The following SYBU variants were observed in gnomAD, a reference collection of about 807,000 sequenced individuals.
SYBU encodes syntabulin.
A neutral mutation model predicts 35.9 loss-of-function variants in SYBU; 21 were observed. That is an observed-to-expected ratio of 0.58 (90% CI 0.41 to 0.84). The LOEUF (loss-of-function observed/expected upper bound fraction) is 0.84. SYBU is among the 40% of genes least tolerant of loss of function. The pLI, the probability that SYBU is intolerant of heterozygous loss-of-function variation, is 0.00. For missense variants in SYBU, 768 were observed against 848.2 expected (o/e 0.91, Z 1.17); for synonymous variants, 319 against 324.3 (o/e 0.98, Z 0.18).
chr8:109,635,138 T>G (rs909337079), intron 2 of SYBU, among the ~76,000 whole-genome samples: 1 of 152,246 alleles, frequency 6.6e-6, no homozygotes, highest in Non-Finnish European at 1.5e-5. Context: ...GGTTGATACA[T>G]CCCATCTCTT....
chr8:109,691,217 G>A lies in SYBU; in HGVS notation c.-58+116C>T. 1.6e-6 allele frequency: 1 copy of A among 631,350 alleles called. No individual in the cohort carries two copies. Among genetic ancestry groups the A allele is most frequent in the South Asian group, 1.7e-5 (1 of 58,140 alleles). The allele number at this position is 631,350 out of a possible 1,614,324, so 39.1% of individuals were successfully genotyped here. Reference sequence around the variant, plus strand: ...CTGGATACCTCCCGCATTGGAAAGGGTGGTCCTGGGGTCCGGAGCGCCCCA... The same window carrying A: ...CTGGATACCTCCCGCATTGGAAAGGATGGTCCTGGGGTCCGGAGCGCCCCA... On this transcript the variant is annotated intron_variant, in intron 1 of 7. Transcript: ENST00000422135. This position sits in a 1 kb window ranked among gnomAD's most constrained non-coding sequence, Gnocchi z 4.7.
intron 3 of SYBU, among the ~76,000 whole-genome samples, chr8:109,615,211 A>G (rs1470799194): frequency 6.6e-6 from 1 of 152,190 alleles, no homozygotes; most frequent in African/African-American, 2.4e-5. Context: ...ATTGCTTGCT[A>G]TTTTAATAAA....
At chr8:109,596,014 C>T (rs1037454142) in intron 3 of SYBU, among the ~76,000 whole-genome samples, 13 of 152,200 alleles carry the variant, frequency 8.5e-5, no homozygotes, top group African/African-American at 3.1e-4. Context: ...AGGGATCCTA[C>T]AGCCACAATT....
At chr8:109,590,583 A>G (rs1824109488) in intron 3 of SYBU, among the ~76,000 whole-genome samples, 2 of 152,056 alleles carry the variant, frequency 1.3e-5, no homozygotes, top group Admixed American at 6.6e-5. Context: ...TAAACACAAA[A>G]GAAGAGAAGT....
At chr8:109,663,131 ATTG>A (rs1348024777) in intron 1 of SYBU, among the ~76,000 whole-genome samples, 1 of 152,188 alleles carries the variant, frequency 6.6e-6, no homozygotes, top group Non-Finnish European at 1.5e-5. Flanking sequence ...GTTTAATGCC[ATTG>A]TCAGAGATTC....
intron 1 of SYBU, 51 bp from the exon 2 acceptor site, chr8:109,642,983 CTT>C (rs773834621): frequency 2.8e-5 from 40 of 1,454,470 alleles, no homozygotes; most frequent in Non-Finnish European, 3.5e-5. Context: ...GTTTCCCTCT[CTT>C]AACTCCTGTC....
intron 3 of SYBU, chr8:109,607,808 TCACACACACA>T (rs71305960): frequency 0.097 from 36,376 of 376,838 alleles, 743 homozygotes; most frequent in South Asian, 0.23. Context: ...CACAACTAAC[TCACACACACA>T]CACACACACA....
chr8:109,624,956 C>T (rs1260297579), intron 2 of SYBU, among the ~76,000 whole-genome samples: 1 of 152,056 alleles, frequency 6.6e-6, no homozygotes, highest in Non-Finnish European at 1.5e-5. Flanking sequence ...AAAATATTTG[C>T]TATCTGGCGC....
rs1013447273 is a variant in SYBU at position 109,605,182 on chromosome 8, G to A, written c.427+13660C>T. Among the ~76,000 whole-genome samples the A allele has an allele frequency of 2.6e-5, 4 of 152,198 alleles. No individual in the cohort carries two copies. In the South Asian group the frequency reaches 6.2e-4, roughly 24 times the overall value. Reference sequence around the variant, plus strand: ...GACGAACTGTGCACCATCAGAGCATGTGCATGTGTGACTAATAACAATGGA... The same window carrying A: ...GACGAACTGTGCACCATCAGAGCATATGCATGTGTGACTAATAACAATGGA... On this transcript the variant is annotated intron_variant, in intron 3 of 6. Transcript: ENST00000276646.
intron 3 of SYBU, among the ~76,000 whole-genome samples, chr8:109,613,011 G>GAA (rs71305961): frequency 5.7e-5 from 8 of 139,356 alleles, no homozygotes; most frequent in Non-Finnish European, 1.1e-4. Flanking sequence ...AAGAAGAAAA[G>GAA]AAAAAAAAAA....
chr8:109,591,434 T>C (rs1824232217), intron 3 of SYBU, among the ~76,000 whole-genome samples: 1 of 152,244 alleles, frequency 6.6e-6, no homozygotes, highest in African/African-American at 2.4e-5. Context: ...TGCACATTAT[T>C]CGTATTATAA....
intron 1 of SYBU, among the ~76,000 whole-genome samples, chr8:109,657,443 T>C (rs1816396707): frequency 6.6e-6 from 1 of 152,220 alleles, no homozygotes; most frequent in Admixed American, 6.5e-5. Flanking sequence ...GTTTGTTCTA[T>C]AGAGCTTTAA....
In SYBU at chr8:109,644,750, C is replaced by T; in HGVS notation, c.-91G>A. The T allele has an allele frequency of 8.0e-7, 1 of 1,251,716 alleles. No individual in the cohort carries two copies. The allele number at this position is 1,251,716 out of a possible 1,614,324, so 77.5% of individuals were successfully genotyped here. Reference sequence around the variant, plus strand: ...ACGGAGCGAGGAGACTGCGCTGAGCCGGCGCGGGCTGCGGGCGGCGGCTCT... The same window carrying T: ...ACGGAGCGAGGAGACTGCGCTGAGCTGGCGCGGGCTGCGGGCGGCGGCTCT... On this transcript the variant is annotated 5_prime_UTR_variant, in exon 1 of 7. Coordinates refer to ENST00000276646, the MANE Select transcript of SYBU (RefSeq NM_001099754.2).
At chr8:109,617,679 T>TTCATTG (rs1452531702) in intron 3 of SYBU, among the ~76,000 whole-genome samples, 1 of 152,228 alleles carries the variant, frequency 6.6e-6, no homozygotes, top group African/African-American at 2.4e-5. Flanking sequence ...TCTTTCCTTC[T>TTCATTG]TCATTGTGTA....
intron 1 of SYBU, among the ~76,000 whole-genome samples, chr8:109,678,166 G>C (rs1442150343): frequency 7.1e-6 from 1 of 141,092 alleles, no homozygotes; most frequent in Non-Finnish European, 1.5e-5. Context: ...AAAAGGAAAA[G>C]GAAAAGTAAC....
chr8:109,641,683 G>A (rs184929097), intron 2 of SYBU, among the ~76,000 whole-genome samples: 26 of 152,288 alleles, frequency 1.7e-4, no homozygotes, highest in Admixed American at 1.4e-3. Context: ...ATAATTAGAG[G>A]TACACAGGCT....
At chr8:109,621,933 A>G (rs1812445055) in intron 2 of SYBU, among the ~76,000 whole-genome samples, 1 of 152,124 alleles carries the variant, frequency 6.6e-6, no homozygotes, top group Non-Finnish European at 1.5e-5. Flanking sequence ...GAGTAACCTG[A>G]GGTATTTTTC....
chr8:109,686,596 G>A (rs922269460), intron 1 of SYBU, among the ~76,000 whole-genome samples: 1 of 152,148 alleles, frequency 6.6e-6, no homozygotes, highest in Admixed American at 6.5e-5. Flanking sequence ...AAGAAAGAAG[G>A]AAGAGAACAG....
At chr8:109,655,635 G>A (rs1260046001) in intron 1 of SYBU, among the ~76,000 whole-genome samples, 2 of 152,128 alleles carry the variant, frequency 1.3e-5, no homozygotes, top group Non-Finnish European at 2.9e-5. Context: ...ATGATTCCTT[G>A]TTATAGTTTT....
Sources: gnomAD v4.1 joint callset for allele counts (sites outside exome capture counted in the v4.1 genomes callset) on GRCh38, gnomAD v4.1.1 for gene constraint, Gnocchi (gnomAD v3.1) non-coding constraint, MANE v1.5 for transcripts, NCBI Gene and HGNC (gene_info 2026-07-23, HGNC 2026-07-21) for gene names.